The following WDR7 variants were observed in gnomAD, a reference collection of about 807,000 sequenced individuals.
The protein encoded by WDR7 is WD repeat-containing protein 7.
WDR7 carries 46 observed loss-of-function variants against 169.4 expected under a neutral mutation model. The ratio of observed to expected loss-of-function variants is 0.27; its 90% CI spans 0.21 to 0.35. The LOEUF (loss-of-function observed/expected upper bound fraction) is 0.35, where lower values mean the gene tolerates loss of function less well. Among genes scored for constraint, WDR7 ranks in the 10% least tolerant of loss-of-function variants. The probability of loss-of-function intolerance (pLI) is 1.00; values close to 1 mark genes in which losing one functional copy is unlikely to be tolerated. For missense variants in WDR7, 1,534 were observed against 1,859.3 expected (o/e 0.83, Z 3.22); for synonymous variants, 612 against 666.8 (o/e 0.92, Z 1.27).
intron 20 of WDR7, among the ~76,000 whole-genome samples, chr18:56,840,129 T>C (rs956489246): frequency 2.4e-4 from 37 of 151,668 alleles, no homozygotes; most frequent in Non-Finnish European, 4.4e-5. Flanking sequence ...GGACTCATGA[T>C]GGGGAAGGAA....
intron 2 of WDR7, among the ~76,000 whole-genome samples, chr18:56,677,804 A>C (rs1332615966): frequency 6.6e-6 from 1 of 152,082 alleles, no homozygotes; most frequent in East Asian, 1.9e-4. Flanking sequence ...ATCGTTCTCT[A>C]GATTTGGGGA....
intron 26 of WDR7, among the ~76,000 whole-genome samples, chr18:57,010,731 T>C (rs2048124166): frequency 6.6e-6 from 1 of 152,196 alleles, no homozygotes; most frequent in Non-Finnish European, 1.5e-5. Context: ...TTGGGCCTAA[T>C]AAATCAGAAG....
chr18:56,804,538 A>T (rs1161472709), intron 19 of WDR7, among the ~76,000 whole-genome samples: 1 of 152,228 alleles, frequency 6.6e-6, no homozygotes, highest in African/African-American at 2.4e-5. Flanking sequence ...AAACTCTGGT[A>T]TGCTAATGAC....
intron 20 of WDR7, among the ~76,000 whole-genome samples, chr18:56,863,512 G>A (rs1401273354): frequency 1.3e-5 from 2 of 151,544 alleles, no homozygotes; most frequent in South Asian, 2.1e-4. Flanking sequence ...AGGTTCAGTG[G>A]TACTAATTTT....
At chr18:56,896,135 A>G (rs1456943301) in intron 21 of WDR7, among the ~76,000 whole-genome samples, 1 of 151,850 alleles carries the variant, frequency 6.6e-6, no homozygotes, top group Non-Finnish European at 1.5e-5. Flanking sequence ...AACAAAAAAT[A>G]TGTAAGACTT....
At position 56,682,945 on chromosome 18, in the gene WDR7, TG is replaced by T. The variant is rs540904658; in HGVS notation, c.520+95del. ...TACAATTTATCATAAATTAATACTT[TG>T]GGATATATTCTTCTATGTAAGAAAT... On this transcript the variant is annotated intron_variant, in intron 5 of 27. Transcript: ENST00000254442. 6.0e-5 allele frequency: 80 copies of T among 1,325,780 alleles called. No individual in the cohort carries two copies. The African/African-American group carries it at 1.1e-3, about 17-fold the overall frequency. The allele number at this position is 1,325,780 out of a possible 1,614,324, so 82.1% of individuals were successfully genotyped here.
At chr18:56,652,308 T>C (rs1343687948) in intron 1 of WDR7, among the ~76,000 whole-genome samples, 1 of 152,216 alleles carries the variant, frequency 6.6e-6, no homozygotes. Context: ...AATTTAGGGT[T>C]CGGTCAGTGG....
At chr18:56,960,603 T>C (rs1012992611) in intron 25 of WDR7, among the ~76,000 whole-genome samples, 6 of 152,190 alleles carry the variant, frequency 3.9e-5, no homozygotes, top group Non-Finnish European at 8.8e-5. Context: ...TGTATAGATA[T>C]AGATGTAGAT....
chr18:56,981,888 G>A (rs2047650183), intron 26 of WDR7, among the ~76,000 whole-genome samples: 1 of 152,150 alleles, frequency 6.6e-6, no homozygotes, highest in Non-Finnish European at 1.5e-5. Context: ...TACATGTGCT[G>A]TAGGATATTT....
chr18:56,688,312 G>A (rs537563949), intron 7 of WDR7, among the ~76,000 whole-genome samples: 2 of 152,216 alleles, frequency 1.3e-5, no homozygotes, highest in South Asian at 2.1e-4. Context: ...TAACCTTATC[G>A]TTGTCACTTA....
rs762121022 is a variant in WDR7, at chr18:56,781,647, G to A, written c.3181G>A (p.Val1061Ile). ...APYLPQYIDHVISPGVTSEAA... is the reference protein window; with the variant it reads ...APYLPQYIDHIISPGVTSEAA... ...TTACTTACCTCAGTACATAGACCAC[G>A]TCATATCACGTAAGAGTTCTCATGC... The change falls in exon 19 of 28, where the codon GTC (valine) becomes ATC (isoleucine). Residue 1061 changes from valine to isoleucine, a missense_variant. Physicochemically the swap from Val to Ile is conservative, Grantham distance 29. Coordinates refer to ENST00000254442, the MANE Select transcript of WDR7 (RefSeq NM_015285.3). The A allele has an allele frequency of 2.1e-5, 34 of 1,600,540 alleles. No individual in the cohort carries two copies. Among genetic ancestry groups the A allele is most frequent in the East Asian group, 4.5e-5 (2 of 44,094 alleles).
At chr18:56,878,253 T>C (rs1473901241) in intron 20 of WDR7, among the ~76,000 whole-genome samples, 1 of 152,208 alleles carries the variant, frequency 6.6e-6, no homozygotes. Flanking sequence ...ATGCTGAGCT[T>C]TGCTCCAGTA....
chr18:56,896,687 C>G (rs1489104923), intron 21 of WDR7, among the ~76,000 whole-genome samples: 2 of 151,732 alleles, frequency 1.3e-5, no homozygotes, highest in East Asian at 3.9e-4. Context: ...TACCAAAAAT[C>G]AATTCCATGT....
chr18:56,954,784 A>T (rs2047229632), intron 25 of WDR7, among the ~76,000 whole-genome samples: 1 of 152,212 alleles, frequency 6.6e-6, no homozygotes, highest in Non-Finnish European at 1.5e-5. Context: ...TATAGCTATA[A>T]CACAGATAAG....
Position 56,681,318 on chromosome 18 carries a change from T to C in WDR7, c.272T>C (p.Met91Thr). The stretch of plus-strand genomic sequence containing the variant: ...ACCATTATTTTGTTTTATAGAGAGA[T>C]GTGCCTCTGGGATGTGAGTGATGGC... ...YIVSASESGE[M>T]CLWDVSDGRC... The change falls in exon 4 of 28, where the codon ATG (methionine) becomes ACG (threonine). Residue 91 changes from methionine (M) to threonine (T), a missense_variant. Physicochemically the swap from Met to Thr is moderately conservative, Grantham distance 81 (BLOSUM62 -1). Coordinates refer to ENST00000254442, the MANE Select transcript of WDR7 (RefSeq NM_015285.3). 1.9e-6 allele frequency: 3 copies of C among 1,592,628 alleles called. No individual in the cohort carries two copies. The highest frequency in any genetic ancestry group is 1.4e-5 in the African/African-American group (1 of 73,680).
intron 16 of WDR7, among the ~76,000 whole-genome samples, chr18:56,770,292 T>C (rs2044134007): frequency 6.6e-6 from 1 of 152,252 alleles, no homozygotes; most frequent in Non-Finnish European, 1.5e-5. Flanking sequence ...CTTATCTTTG[T>C]GTGTTTTTGT....
At chr18:56,738,408 A>AC (rs2026747821) in intron 14 of WDR7, among the ~76,000 whole-genome samples, 1 of 152,264 alleles carries the variant, frequency 6.6e-6, no homozygotes, top group East Asian at 1.9e-4. Context: ...CTCTACAAAA[A>AC]TTAGCCAGGC....
intron 26 of WDR7, among the ~76,000 whole-genome samples, chr18:57,006,748 G>T (rs1022686196): frequency 1.2e-4 from 19 of 152,082 alleles, no homozygotes; most frequent in Non-Finnish European, 5.9e-5. Context: ...ATTGATTCTA[G>T]CTTATGAATA....
Position 56,707,327 on chromosome 18 carries a change from C to T in WDR7, c.1579-10637C>T, listed in dbSNP as rs564162969. ...ATATACTTTGTTCCTCTGTTAGGTACTTTTCATTTGCTTGTTTCCCAACTA... is the reference window on the plus strand; with the variant it reads ...ATATACTTTGTTCCTCTGTTAGGTATTTTTCATTTGCTTGTTTCCCAACTA... On this transcript the variant is annotated intron_variant, in intron 12 of 27. Coordinates refer to ENST00000254442, the MANE Select transcript of WDR7 (RefSeq NM_015285.3). Among the ~76,000 whole-genome samples, 19 of 152,056 alleles carry T rather than the reference C, an allele frequency of 1.2e-4. No individual in the cohort carries two copies. The South Asian group carries it at 1.9e-3, about 15-fold the overall frequency.
Sources: gnomAD v4.1 joint callset for allele counts (sites outside exome capture counted in the v4.1 genomes callset) on GRCh38, gnomAD v4.1.1 for gene constraint, MANE v1.5 for transcripts, NCBI Gene and HGNC (gene_info 2026-07-23, HGNC 2026-07-21) for gene names.